UBA3: variants seen among roughly 807,000 people sequenced by gnomAD.
UBA3 encodes ubiquitin like modifier activating enzyme 3, also known as NEDD8-activating enzyme E1 catalytic subunit.
Under a neutral mutation model 73.5 loss-of-function variants are expected in UBA3, and 26 were observed. The observed-to-expected ratio is 0.35, with a 90% CI of 0.26 to 0.49. UBA3 has a LOEUF of 0.49. UBA3 is among the 20% of genes least tolerant of loss of function. The pLI, the probability that UBA3 is intolerant of heterozygous loss-of-function variation, is 0.98. For synonymous variants in UBA3, 217 were observed against 191.2 expected (o/e 1.13, Z -1.11); for missense variants, 495 against 555.6 (o/e 0.89, Z 1.10).
At chr3:69,059,661 G>A (rs2092005929) in intron 11 of UBA3, among the ~76,000 whole-genome samples, 1 of 151,896 alleles carries the variant, frequency 6.6e-6, no homozygotes, top group Non-Finnish European at 1.5e-5. Flanking sequence ...AGAATGCAGA[G>A]GGCAACAAGG....
chr3:69,066,123 A>G (rs1178063231), intron 6 of UBA3, among the ~76,000 whole-genome samples: 2 of 151,866 alleles, frequency 1.3e-5, no homozygotes, highest in Admixed American at 6.6e-5. Flanking sequence ...CAGTGTATCA[A>G]TTTTTTCCTT....
intron 5 of UBA3, among the ~76,000 whole-genome samples, chr3:69,070,746 G>C (rs147821460): frequency 1.3e-5 from 2 of 152,158 alleles, no homozygotes; most frequent in East Asian, 3.9e-4. Context: ...TCCAGATCCT[G>C]AGCTCAAACG....
chr3:69,080,368 C>T (rs1446545107), upstream of UBA3: 3 of 1,597,706 alleles, frequency 1.9e-6, no homozygotes, highest in Admixed American at 1.7e-5. Context: ...TTCTCCGCCT[C>T]TTCCCAGGTG....
chr3:69,063,927 C>A (rs2092044624), intron 7 of UBA3, 141 bp downstream of exon 7: 2 of 715,886 alleles, frequency 2.8e-6, no homozygotes, highest in South Asian at 3.6e-5. Flanking sequence ...TTCAGTCTAT[C>A]AGCAACATTA....
chr3:69,073,468 C>T (rs2092138212), intron 4 of UBA3, among the ~76,000 whole-genome samples: 1 of 152,126 alleles, frequency 6.6e-6, no homozygotes, highest in Admixed American at 6.5e-5. Context: ...TCCCTTCACA[C>T]CATTTGACAT....
At chr3:69,060,939 C>G (rs2092016170) in intron 11 of UBA3, among the ~76,000 whole-genome samples, 1 of 152,210 alleles carries the variant, frequency 6.6e-6, no homozygotes, top group Non-Finnish European at 1.5e-5. Flanking sequence ...CAAGCAGATG[C>G]TTTTGCCATG....
At chr3:69,076,403 G>GT (rs1306620198) in intron 3 of UBA3, 1 of 152,298 alleles carries the variant, frequency 6.6e-6, no homozygotes, top group African/African-American at 2.4e-5. Context: ...AGGTGTGGTG[G>GT]TGGGCGCCTG....
intron 10 of UBA3, 47 bp from the exon 11 acceptor site, chr3:69,061,974 T>A: frequency 6.9e-7 from 1 of 1,439,556 alleles, no homozygotes; most frequent in African/African-American, 1.4e-5. Flanking sequence ...AAGACAGGAA[T>A]ACGTAATCAC....
At chr3:69,071,219 G>A (rs1301663513) in intron 5 of UBA3, 2 of 223,190 alleles carry the variant, frequency 9.0e-6, no homozygotes. Flanking sequence ...ACATCAACTG[G>A]AGGAAGAGCT....
At position 69,064,176 on chromosome 3, in the gene UBA3, A is replaced by G. The variant is rs549668806; in HGVS notation, c.429-65T>C. ...TTTCTAAAATGAATTTGACAATGCC[A>G]TAAGGAACACACTCTGCATATATTT... On this transcript the variant is annotated intron_variant, in intron 6 of 17. Transcript: ENST00000361055. 55 of 1,283,384 alleles carry G rather than the reference A, an allele frequency of 4.3e-5. No individual in the cohort carries two copies. The East Asian group carries it at 1.2e-3, about 29-fold the overall frequency. The allele number at this position is 1,283,384 out of a possible 1,614,324, so 79.5% of individuals were successfully genotyped here.
intron 2 of UBA3, 139 bp downstream of exon 2, chr3:69,079,973 C>G (rs1352734549): frequency 2.8e-6 from 2 of 726,008 alleles, no homozygotes; most frequent in African/African-American, 1.9e-5. Flanking sequence ...GGGCGGGGAT[C>G]AGGGGATGAG....
intron 3 of UBA3, 55 bp downstream of exon 3, chr3:69,077,743 T>C (rs2092180102): frequency 6.7e-7 from 1 of 1,490,598 alleles, no homozygotes; most frequent in Admixed American, 2.2e-5. Context: ...AGCATTCTAT[T>C]AGTTTTGAAA....
intron 4 of UBA3, among the ~76,000 whole-genome samples, chr3:69,074,062 A>G (rs1317373134): frequency 6.6e-6 from 1 of 152,238 alleles, no homozygotes; most frequent in Non-Finnish European, 1.5e-5. Flanking sequence ...AAAGATTACT[A>G]TAATGCAATA....
intron 6 of UBA3, among the ~76,000 whole-genome samples, chr3:69,064,926 C>T (rs1308786700): frequency 6.6e-6 from 1 of 151,994 alleles, no homozygotes. Flanking sequence ...AGGGACAATA[C>T]ATAGAAAAAA....
intron 4 of UBA3, chr3:69,074,976 A>G (rs928254805): frequency 6.6e-6 from 1 of 152,310 alleles, no homozygotes; most frequent in Non-Finnish European, 1.5e-5. Flanking sequence ...AACTTCAGCA[A>G]CTCAGTCAAC....
rs868033287 is a variant in UBA3 at position 69,063,489 on chromosome 3, C to T, written c.487G>A (p.Val163Ile). The T allele has an allele frequency of 7.9e-6, 10 of 1,268,968 alleles. No individual in the cohort carries two copies. The highest frequency in any genetic ancestry group is 1.1e-5 in the Non-Finnish European group (10 of 939,710). The allele number at this position is 1,268,968 out of a possible 1,614,324, so 78.6% of individuals were successfully genotyped here. The change falls in exon 8 of 18, where the codon GTA becomes ATA. Residue 163 changes from valine (V) to isoleucine (I), a missense_variant. Val to Ile is a conservative substitution (Grantham distance 29, BLOSUM62 3). Coordinates refer to ENST00000361055, the MANE Select transcript of UBA3 (RefSeq NM_003968.4). ...GCGATGATAGAGTCCAGTCCACATA[C>T]AATAATATGAAATTCTACAAAAAAA... ...DTFYRQFHII[V>I]CGLDSIIARR... is the part of the protein sequence containing the mutation.
intron 11 of UBA3, among the ~76,000 whole-genome samples, chr3:69,057,924 C>CTTT (rs368333207): frequency 0.039 from 4,488 of 115,420 alleles, 424 homozygotes; most frequent in African/African-American, 0.12. Context: ...CCACATTTTT[C>CTTT]TTTTTTTTTT....
chr3:69,076,770 T>C (rs1050382683), intron 3 of UBA3, among the ~76,000 whole-genome samples: 2 of 151,948 alleles, frequency 1.3e-5, no homozygotes, highest in Non-Finnish European at 2.9e-5. Context: ...CTTTCTTTTT[T>C]TTTTTAGAGA....
chr3:69,063,047 C>A lies in UBA3; in HGVS notation c.628G>T (p.Ala210Ser). The change falls in exon 9 of 18, where the codon GCC becomes TCC. Residue 210 changes from alanine (A) to serine (S), a missense_variant. Physicochemically the swap from Ala to Ser is moderately conservative, Grantham distance 99. Transcript: ENST00000361055. ...GTCATTCCAGGCAGAATCACCCGGG[C>A]ATTTCCTTTAAAACCTTCTGTCCCC... is the stretch of plus-strand genomic sequence containing the variant. ...DGGTEGFKGNARVILPGMTAC... is the reference protein window; with the variant it reads ...DGGTEGFKGNSRVILPGMTAC... 4 of 1,614,064 alleles carry A rather than the reference C, an allele frequency of 2.5e-6. No homozygotes were observed. Among genetic ancestry groups the A allele is most frequent in the Non-Finnish European group, 3.4e-6 (4 of 1,179,978 alleles).
Sources: allele counts gnomAD v4.1 joint callset (sites outside exome capture counted in the v4.1 genomes callset), GRCh38; gene constraint gnomAD v4.1.1; transcripts MANE v1.5; gene names NCBI Gene and HGNC (gene_info 2026-07-23, HGNC 2026-07-21).